ZCCHC7: variants seen among roughly 807,000 people sequenced by gnomAD.
ZCCHC7 encodes zinc finger CCHC domain-containing protein 7.
ZCCHC7 carries 35 observed loss-of-function variants against 52.0 expected under a neutral mutation model. That is an observed-to-expected ratio of 0.67 (90% CI 0.51 to 0.89). The LOEUF (loss-of-function observed/expected upper bound fraction) is 0.89, where lower values mean the gene tolerates loss of function less well. ZCCHC7 is among the 40% of genes least tolerant of loss of function. ZCCHC7 has a pLI of 0.00. For synonymous variants in ZCCHC7, 217 were observed against 221.5 expected (o/e 0.98, Z 0.18); for missense variants, 574 against 649.1 (o/e 0.88, Z 1.26).
At chr9:37,143,452 A>C (rs957592638) in intron 2 of ZCCHC7, among the ~76,000 whole-genome samples, 4 of 150,708 alleles carry the variant, frequency 2.7e-5, no homozygotes, top group Non-Finnish European at 5.9e-5. Context: ...AATATTTTGT[A>C]ATTCTCATAT....
intron 6 of ZCCHC7, among the ~76,000 whole-genome samples, chr9:37,334,703 T>C (rs1212334845): frequency 1.3e-5 from 2 of 151,998 alleles, no homozygotes; most frequent in African/African-American, 4.8e-5. Flanking sequence ...AGTATTTTCT[T>C]CCAGCTATTT....
chr9:37,203,349 T>C (rs1823733809), intron 2 of ZCCHC7, among the ~76,000 whole-genome samples: 2 of 152,288 alleles, frequency 1.3e-5, no homozygotes, highest in South Asian at 4.1e-4. Flanking sequence ...ATGTACAGAA[T>C]GTGTAGGTTT....
intron 2 of ZCCHC7, among the ~76,000 whole-genome samples, chr9:37,199,710 G>GTCTT (rs529640378): frequency 7.9e-5 from 9 of 114,186 alleles, no homozygotes; most frequent in East Asian, 4.5e-4. Context: ...CTTTCTTTCT[G>GTCTT]TCTTTCTTTC....
chr9:37,179,381 G>A (rs1343806493), intron 2 of ZCCHC7, among the ~76,000 whole-genome samples: 2 of 152,102 alleles, frequency 1.3e-5, no homozygotes, highest in Non-Finnish European at 2.9e-5. Flanking sequence ...CCGTAATAGT[G>A]CGCTGTGTAA....
At chr9:37,199,043 T>G (rs1238644818) in intron 2 of ZCCHC7, among the ~76,000 whole-genome samples, 1 of 152,166 alleles carries the variant, frequency 6.6e-6, no homozygotes, top group Admixed American at 6.5e-5. Flanking sequence ...TGCTTCCTAT[T>G]TTTGACACAT....
In ZCCHC7 at chr9:37,204,510, C is replaced by T. The variant is rs556348201; in HGVS notation, c.610+77568C>T. Among the ~76,000 whole-genome samples, 8 of 152,230 alleles carry T rather than the reference C, an allele frequency of 5.3e-5. No individual in the cohort carries two copies. In the East Asian group the frequency reaches 1.2e-3, roughly 22 times the overall value. ...GAAGTGTAAAGAAGGGGTCCAATTT[C>T]GGTTTTCTGTATATGGCTAGACAGT... On this transcript the variant is annotated intron_variant, in intron 2 of 8. Coordinates refer to ENST00000336755, the MANE Select transcript of ZCCHC7 (RefSeq NM_032226.3).
chr9:37,155,680 G>A (rs888508548), intron 2 of ZCCHC7, among the ~76,000 whole-genome samples: 3 of 152,138 alleles, frequency 2.0e-5, no homozygotes, highest in African/African-American at 7.2e-5. Context: ...AAAGTTTCTT[G>A]TTCTCAGATA....
intron 5 of ZCCHC7, among the ~76,000 whole-genome samples, chr9:37,310,959 TAAAA>T (rs59663698): frequency 8.7e-6 from 1 of 115,050 alleles, no homozygotes; most frequent in Middle Eastern, 4.5e-3. Context: ...TCTCTCTTTT[TAAAA>T]AAAAAAAAAA....
chr9:37,182,723 C>T (rs139320873), intron 2 of ZCCHC7, among the ~76,000 whole-genome samples: 1 of 152,268 alleles, frequency 6.6e-6, no homozygotes, highest in African/African-American at 2.4e-5. Flanking sequence ...ATCAGTCTGT[C>T]TTGAAATTGT....
At chr9:37,306,261 G>A (rs1163816193) in intron 5 of ZCCHC7, among the ~76,000 whole-genome samples, 1 of 151,336 alleles carries the variant, frequency 6.6e-6, no homozygotes, top group East Asian at 2.0e-4. Context: ...AGAGACGGGG[G>A]TTTCACCATG....
chr9:37,134,469 A>T (rs1842918572), intron 2 of ZCCHC7, among the ~76,000 whole-genome samples: 1 of 152,038 alleles, frequency 6.6e-6, no homozygotes. Context: ...TTTGCTTTTG[A>T]TATGTTATTT....
intron 2 of ZCCHC7, among the ~76,000 whole-genome samples, chr9:37,291,219 GA>G (rs1165322648): frequency 6.6e-6 from 1 of 152,170 alleles, no homozygotes; most frequent in East Asian, 1.9e-4. Context: ...TGAATGCAAA[GA>G]AACACGTAGT....
intron 2 of ZCCHC7, among the ~76,000 whole-genome samples, chr9:37,289,598 T>G (rs1828433253): frequency 6.6e-6 from 1 of 152,238 alleles, no homozygotes; most frequent in Admixed American, 6.5e-5. Flanking sequence ...AGTAACATTC[T>G]AACTGATCTC....
intron 2 of ZCCHC7, among the ~76,000 whole-genome samples, chr9:37,173,577 A>G (rs1394912209): frequency 6.6e-6 from 1 of 152,236 alleles, no homozygotes; most frequent in Non-Finnish European, 1.5e-5. Flanking sequence ...TATTGTATAG[A>G]GCCAAATACA....
chr9:37,234,245 G>A (rs1825540946), intron 2 of ZCCHC7, among the ~76,000 whole-genome samples: 1 of 152,168 alleles, frequency 6.6e-6, no homozygotes. Context: ...CTATTCTAGA[G>A]GTCCAAGCAT....
chr9:37,120,450 C>CGCG (rs1842250153), upstream of ZCCHC7: 4 of 397,216 alleles, frequency 1.0e-5, no homozygotes, highest in Non-Finnish European at 1.8e-5. Context: ...GCACATCAGG[C>CGCG]GCGGCAGGTG....
intron 2 of ZCCHC7, among the ~76,000 whole-genome samples, chr9:37,139,501 T>G (rs1417548107): frequency 6.6e-6 from 1 of 151,788 alleles, no homozygotes; most frequent in Non-Finnish European, 1.5e-5. Flanking sequence ...CTAAATGTAA[T>G]AATTATTTTA....
chr9:37,354,977 A>G lies in ZCCHC7; in HGVS notation c.1198+153A>G, dbSNP rs545767854. Among the ~76,000 whole-genome samples, 1 of 152,330 alleles carries G rather than the reference A, an allele frequency of 6.6e-6. No individual in the cohort carries two copies. Among genetic ancestry groups the G allele is most frequent in the South Asian group, 2.1e-4 (1 of 4,824 alleles). ...ACTGGAACTTTCTTGATCTCCAGAA[A>G]CCAAGCACCCACTTCAGAAATAATC... On this transcript the variant is annotated intron_variant, in intron 8 of 8. Coordinates refer to ENST00000336755, the MANE Select transcript of ZCCHC7 (RefSeq NM_032226.3). The surrounding 1 kb of genome is among the most constrained non-coding windows in gnomAD (Gnocchi z 4.0).
chr9:37,306,762 CTTTTTTTTTT>C lies in ZCCHC7; in HGVS notation c.951+1081_951+1090del, dbSNP rs869292704. On this transcript the variant is annotated intron_variant, in intron 5 of 8. Transcript: ENST00000336755. ...ACAGGCATGAGCCACTGTACCCGAC[CTTTTTTTTTT>C]TTTTTTTTTTTTTTTTTTTTTTTTT... Among the ~76,000 whole-genome samples the C allele has an allele frequency of 7.1e-4, 37 of 52,018 alleles. 1 individual carries two copies. Among genetic ancestry groups the C allele is most frequent in the African/African-American group, 1.6e-3 (22 of 14,002 alleles). 34.1% of individuals were successfully genotyped at this position (52,018 alleles called of 152,430 possible).
Sources: allele counts gnomAD v4.1 joint callset (sites outside exome capture counted in the v4.1 genomes callset), GRCh38; gene constraint gnomAD v4.1.1; non-coding constraint Gnocchi (gnomAD v3.1); transcripts MANE v1.5; gene names NCBI Gene and HGNC (gene_info 2026-07-23, HGNC 2026-07-21).